Variants in NFE2L1 observed in about 807,000 individuals in gnomAD.
The protein encoded by NFE2L1 is NFE2 like bZIP transcription factor 1, also known as endoplasmic reticulum membrane sensor NFE2L1.
In NFE2L1, 18 loss-of-function variants were observed where a neutral mutation model predicts 61.6. That is an observed-to-expected ratio of 0.29 (90% CI 0.20 to 0.43). The LOEUF is 0.43. NFE2L1 is among the 20% of genes least tolerant of loss of function. NFE2L1 has a pLI of 1.00. For synonymous variants in NFE2L1, 419 were observed against 402.7 expected (o/e 1.04, Z -0.48); for missense variants, 827 against 973.5 (o/e 0.85, Z 2.00).
In NFE2L1 at chr17:48,061,083, A is replaced by ACAGGCAGCTTCTCCACAGCCC. The variant is rs1232081537; in HGVS notation, c.*1446_*1466dup. 2 of 152,636 alleles carry ACAGGCAGCTTCTCCACAGCCC rather than the reference A, an allele frequency of 1.3e-5. No homozygotes were observed. The highest frequency in any genetic ancestry group is 4.8e-5 in the African/African-American group (2 of 41,468). 9.5% of individuals were successfully genotyped at this position (152,636 alleles called of 1,614,324 possible). ...TCCCCAAACACACAAGCTCTCAGCC[A>ACAGGCAGCTTCTCCACAGCCC]CAGGCAGCTTCTCCACAGCCCCAGC... is the stretch of plus-strand genomic sequence containing the variant. On this transcript the variant is annotated 3_prime_UTR_variant, in exon 6 of 6. Transcript: ENST00000362042.
At position 48,048,387 on chromosome 17, in the gene NFE2L1, C is replaced by G. The variant is rs983495063; in HGVS notation, c.-588C>G. On this transcript the variant is annotated 5_prime_UTR_variant, in exon 1 of 6. Coordinates refer to ENST00000362042, the MANE Select transcript of NFE2L1 (RefSeq NM_003204.3). The stretch of plus-strand genomic sequence containing the variant: ...CGGAGGCTCCGAGCTCTAGGCCGGC[C>G]GGCGGTGGCGGCGGCGAGGCCGGGA... The G allele has an allele frequency of 1.3e-5, 2 of 152,528 alleles. No homozygotes were observed. Among genetic ancestry groups the G allele is most frequent in the Admixed American group, 1.3e-4 (2 of 15,284 alleles). 9.4% of individuals were successfully genotyped at this position (152,528 alleles called of 1,614,324 possible). A position where few individuals can be genotyped will look rare whatever the true frequency, so the allele number is the denominator to read the frequency against.
At chr17:48,055,270 T>G in intron 2 of NFE2L1, 1 of 1,165,218 alleles carries the variant, frequency 8.6e-7, no homozygotes, top group Non-Finnish European at 1.1e-6. Flanking sequence ...AGGAAATTGC[T>G]TTCTGGAAAG....
At chr17:48,057,527 A>T (rs772101281) in intron 5 of NFE2L1, 25 bp downstream of exon 5, 1 of 1,602,516 alleles carries the variant, frequency 6.2e-7, no homozygotes, top group Non-Finnish European at 8.5e-7. Flanking sequence ...ACCGGGCACA[A>T]ACCTATTGGA....
At position 48,058,846 on chromosome 17, in the gene NFE2L1, CTCTGCTTCT is replaced by C; in HGVS notation, c.1527_1535del (p.Ala510_Ser512del). The C allele has an allele frequency of 6.2e-7, 1 of 1,613,622 alleles. No individual in the cohort carries two copies. The highest frequency in any genetic ancestry group is 1.3e-5 in the African/African-American group (1 of 75,014). On this transcript the variant is annotated inframe_deletion, in exon 6 of 6. Coordinates refer to ENST00000362042, the MANE Select transcript of NFE2L1 (RefSeq NM_003204.3). Reference sequence around the variant, plus strand: ...CTTCCTCCTCCTCTTCCTCTTCTTCCTCTGCTTCTTCCTCTGCCTCTTCCTCCTTTTCTG... The same window carrying C: ...CTTCCTCCTCCTCTTCCTCTTCTTCCTCCTCTGCCTCTTCCTCCTTTTCTG...
intron 2 of NFE2L1, 46 bp from the exon 3 acceptor site, chr17:48,056,340 G>T: frequency 6.2e-7 from 1 of 1,609,306 alleles, no homozygotes; most frequent in South Asian, 1.1e-5. Flanking sequence ...GGACAAGGAA[G>T]GGACCTTGGG....
Position 48,051,603 on chromosome 17 carries a change from C to G in NFE2L1, c.485C>G (p.Pro162Arg). The change falls in exon 2 of 6, where the codon CCA becomes CGA. Residue 162 changes from proline to arginine, a missense_variant. Physicochemically the swap from Pro to Arg is moderately radical, Grantham distance 103 (BLOSUM62 -2). This residue lies in a region of NFE2L1 where 667 missense variants were observed against 748.4 expected (regional missense o/e 0.89). Coordinates refer to ENST00000362042, the MANE Select transcript of NFE2L1 (RefSeq NM_003204.3). Reference protein sequence around the residue: ...DLEDLGAVAPPVSGDLTKEDI... With the variant: ...DLEDLGAVAPRVSGDLTKEDI... ...GAGGATTTGGGGGCTGTAGCCCCCCCAGTCAGTGGAGACTTAACCAAAGAG... is the reference window on the plus strand; with the variant it reads ...GAGGATTTGGGGGCTGTAGCCCCCCGAGTCAGTGGAGACTTAACCAAAGAG... The G allele has an allele frequency of 6.2e-7, 1 of 1,613,678 alleles. No homozygotes were observed. Among genetic ancestry groups the G allele is most frequent in the Non-Finnish European group, 8.5e-7 (1 of 1,179,790 alleles).
chr17:48,057,828 A>T (rs748575547), intron 5 of NFE2L1, among the ~76,000 whole-genome samples: 1 of 152,178 alleles, frequency 6.6e-6, no homozygotes, highest in Non-Finnish European at 1.5e-5. Context: ...TGACATTCAC[A>T]TGGTGCTTCA....
In NFE2L1 at chr17:48,051,374, C is replaced by A; in HGVS notation, c.256C>A (p.Gln86Lys). 2 of 1,614,142 alleles carry A rather than the reference C, an allele frequency of 1.2e-6. No individual in the cohort carries two copies. Among genetic ancestry groups the A allele is most frequent in the Non-Finnish European group, 1.7e-6 (2 of 1,180,034 alleles). ...CTTCACTGCCCGGCGGCTCCTCAGTCAGGTGAGGGCCCTGGACAGGTTCCA... is the reference window on the plus strand; with the variant it reads ...CTTCACTGCCCGGCGGCTCCTCAGTAAGGTGAGGGCCCTGGACAGGTTCCA... ...NYFTARRLLS[Q>K]VRALDRFQVP... The change falls in exon 2 of 6, where the codon CAG (glutamine) becomes AAG (lysine). Residue 86 changes from glutamine to lysine, a missense_variant. Physicochemically the swap from Gln to Lys is moderately conservative, Grantham distance 53. Coordinates refer to ENST00000362042, the MANE Select transcript of NFE2L1 (RefSeq NM_003204.3).
Position 48,059,832 on chromosome 17 carries a change from G to GC in NFE2L1, c.*191_*192insC. 6.2e-6 allele frequency: 5 copies of GC among 806,984 alleles called. No individual in the cohort carries two copies. The highest frequency in any genetic ancestry group is 9.3e-6 in the Non-Finnish European group (5 of 538,072). 50.0% of individuals were successfully genotyped at this position (806,984 alleles called of 1,614,324 possible). A position where few individuals can be genotyped will look rare whatever the true frequency, so the allele number is the denominator to read the frequency against. Reference sequence around the variant, plus strand: ...GCTGGCTCAGCTCCACTCGGGTGGAGTGGAAGTGGCCAGACCATTTAGACG... The same window carrying GC: ...GCTGGCTCAGCTCCACTCGGGTGGAGCTGGAAGTGGCCAGACCATTTAGACG... On this transcript the variant is annotated 3_prime_UTR_variant, in exon 6 of 6. Transcript: ENST00000362042. The surrounding 1 kb of genome is among the most constrained non-coding windows in gnomAD (Gnocchi z 6.1).
At chr17:48,048,862 C>T (rs1265432061) in intron 1 of NFE2L1, 1 of 152,684 alleles carries the variant, frequency 6.5e-6, no homozygotes, top group African/African-American at 2.4e-5. Flanking sequence ...CAGCCGGACT[C>T]GGGTATCCGG....
At chr17:48,048,927 G>T (rs1413360827) in intron 1 of NFE2L1, 4 of 152,636 alleles carry the variant, frequency 2.6e-5, no homozygotes. Flanking sequence ...ATTTTTAAGG[G>T]ACTTTGTCCG....
At position 48,051,626 on chromosome 17, in the gene NFE2L1, G is replaced by A; in HGVS notation, c.508G>A (p.Glu170Lys). The A allele has an allele frequency of 2.5e-6, 4 of 1,609,150 alleles. No individual in the cohort carries two copies. Among genetic ancestry groups the A allele is most frequent in the Non-Finnish European group, 3.4e-6 (4 of 1,177,286 alleles). The change falls in exon 2 of 6, where the codon GAG (glutamate) becomes AAG (lysine). Residue 170 changes from glutamate to lysine, a missense_variant and splice_region_variant. Glu to Lys is a moderately conservative substitution (Grantham distance 56, BLOSUM62 1). Around this residue, in one of 3 missense-constraint regions of NFE2L1, gnomAD observed 667 missense variants for 748.4 expected, o/e 0.89. Coordinates refer to ENST00000362042, the MANE Select transcript of NFE2L1 (RefSeq NM_003204.3). Reference protein sequence around the residue: ...APPVSGDLTKEDIDLIDILWR... With the variant: ...APPVSGDLTKKDIDLIDILWR... ...CCCAGTCAGTGGAGACTTAACCAAA[G>A]AGGTTAGTGGACCTGTGGTGGGTGT...
At position 48,059,811 on chromosome 17, in the gene NFE2L1, G is replaced by T; in HGVS notation, c.*170G>T. 1 of 1,008,834 alleles carries T rather than the reference G, an allele frequency of 9.9e-7. No individual in the cohort carries two copies. The highest frequency in any genetic ancestry group is 1.4e-6 in the Non-Finnish European group (1 of 719,632). 62.5% of individuals were successfully genotyped at this position (1,008,834 alleles called of 1,614,324 possible). On this transcript the variant is annotated 3_prime_UTR_variant, in exon 6 of 6. Transcript: ENST00000362042. The surrounding 1 kb of genome is among the most constrained non-coding windows in gnomAD (Gnocchi z 6.1). ...TACAGGAAGAGGCAGGCACTGGCTG[G>T]CTCAGCTCCACTCGGGTGGAGTGGA... is the stretch of plus-strand genomic sequence containing the variant.
At position 48,051,085 on chromosome 17, in the gene NFE2L1, A is replaced by C. The variant is rs1567750643; in HGVS notation, c.-34A>C. The C allele has an allele frequency of 2.5e-6, 4 of 1,613,796 alleles. No homozygotes were observed. In the South Asian group the frequency reaches 3.3e-5, roughly 13 times the overall value. On this transcript the variant is annotated 5_prime_UTR_variant, in exon 2 of 6. Coordinates refer to ENST00000362042, the MANE Select transcript of NFE2L1 (RefSeq NM_003204.3). ...GATTTGTCTTTTGGAAGATTTTAAA[A>C]ACCAAAAAGCATAAACATTCTGGTC... is the stretch of plus-strand genomic sequence containing the variant.
intron 1 of NFE2L1, among the ~76,000 whole-genome samples, chr17:48,049,679 C>T (rs908260229): frequency 6.6e-6 from 1 of 152,248 alleles, no homozygotes; most frequent in African/African-American, 2.4e-5. Context: ...AGGCGTCGGC[C>T]CTTTTCCTTT....
rs1383638813 is a variant in NFE2L1 at position 48,051,319 on chromosome 17, C to T, written c.201C>T (p.Ile67=). 4 of 1,614,088 alleles carry T rather than the reference C, an allele frequency of 2.5e-6. No individual in the cohort carries two copies. The Admixed American group carries it at 6.7e-5, about 27-fold the overall frequency. ...NLRNTLDGYG[I]HPKSIDLDNY... is the part of the protein sequence containing the mutation. ...GGAATACCTTGGATGGCTATGGTAT[C>T]CACCCCAAGAGCATAGACCTGGACA... Residue 67 remains isoleucine, a synonymous_variant, in exon 2 of 6, where the codon ATC becomes ATT. Transcript: ENST00000362042.
At chr17:48,056,874 A>ACT (rs35569083) in intron 3 of NFE2L1, among the ~76,000 whole-genome samples, 158 bp from the exon 4 acceptor site, 41,633 of 151,690 alleles carry the variant, frequency 0.27, 6,445 homozygotes, top group African/African-American at 0.43. Context: ...GGACTCTTTC[A>ACT]CTCTCTTCTG....
chr17:48,052,129 ATAGTT>A (rs1289702953), intron 2 of NFE2L1, among the ~76,000 whole-genome samples: 1 of 152,010 alleles, frequency 6.6e-6, no homozygotes, highest in Non-Finnish European at 1.5e-5. Context: ...GTAGATTTGG[ATAGTT>A]ATTCTTGGCC....
chr17:48,058,426 G>T lies in NFE2L1; in HGVS notation c.1104G>T (p.Leu368=), dbSNP rs775417792. 4 of 1,614,166 alleles carry T rather than the reference G, an allele frequency of 2.5e-6. No individual in the cohort carries two copies. The highest frequency in any genetic ancestry group is 2.2e-5 in the South Asian group (2 of 91,082). Reference sequence around the variant, plus strand: ...ATGTCAGCCTGCATCAGGCGTCCCTGGGGGGCTGCAGCCAGGACTTCTTAC... The same window carrying T: ...ATGTCAGCCTGCATCAGGCGTCCCTTGGGGGCTGCAGCCAGGACTTCTTAC... The part of the protein sequence containing the change: ...NQNVSLHQAS[L]GGCSQDFLLF... The change falls in exon 6 of 6, where the codon CTG becomes CTT. Residue 368 remains leucine (L), a synonymous_variant. Coordinates refer to ENST00000362042, the MANE Select transcript of NFE2L1 (RefSeq NM_003204.3).
Sources: gnomAD v4.1 joint callset for allele counts (sites outside exome capture counted in the v4.1 genomes callset) on GRCh38, gnomAD v4.1.1 for gene constraint, gnomAD v4.1.1 regional missense constraint, Gnocchi (gnomAD v3.1) non-coding constraint, MANE v1.5 for transcripts, NCBI Gene and HGNC (gene_info 2026-07-23, HGNC 2026-07-21) for gene names.